HDAC4: variants seen among roughly 807,000 people sequenced by gnomAD.
HDAC4 encodes histone deacetylase 4.
A neutral mutation model predicts 135.1 loss-of-function variants in HDAC4; 16 were observed. The observed-to-expected ratio is 0.12, with a 90% confidence interval of 0.08 to 0.18. The LOEUF is 0.18. Ranked by LOEUF, HDAC4 falls within the 10% of genes least tolerant of loss-of-function variation. The pLI is 1.00. For missense variants in HDAC4, 1,143 were observed against 1,511.8 expected, an observed-to-expected ratio of 0.76 and a Z score of 4.05; for synonymous variants, 685 against 653.4, an observed-to-expected ratio of 1.05 and a Z score of -0.74.
In HDAC4 at chr2:239,135,174, C is replaced by T. The variant is rs548503966; in HGVS notation, c.979-531G>A. Among the ~76,000 whole-genome samples, 53 of 152,288 alleles carry T rather than the reference C, an allele frequency of 3.5e-4. No homozygotes were observed. The South Asian group carries it at 9.7e-3, about 28-fold the overall frequency. On this transcript the variant is annotated intron_variant, in intron 9 of 26. Coordinates refer to ENST00000543185, the MANE Select transcript of HDAC4 (RefSeq NM_001378414.1). ...GATGGACATCCCACACTTCGCATGA[C>T]GTGATTATTACAAATTGCATGCCTG...
intron 2 of HDAC4, among the ~76,000 whole-genome samples, chr2:239,311,162 G>A (rs1296714167): frequency 6.6e-6 from 1 of 152,174 alleles, no homozygotes; most frequent in African/African-American, 2.4e-5. Flanking sequence ...ACCCCGCAGA[G>A]TGAGGTGTTA....
At chr2:239,095,272 C>A (rs1426538632) in intron 16 of HDAC4, among the ~76,000 whole-genome samples, 1 of 144,254 alleles carries the variant, frequency 6.9e-6, no homozygotes, top group Non-Finnish European at 1.5e-5. Flanking sequence ...AGCTGGGTCA[C>A]AGACCCTGGT....
intron 3 of HDAC4, among the ~76,000 whole-genome samples, chr2:239,215,869 C>T (rs1051012874): frequency 1.2e-4 from 18 of 152,138 alleles, no homozygotes; most frequent in South Asian, 8.3e-4. Context: ...AAATAATGAA[C>T]GGTGCAACCT....
chr2:239,172,340 G>A (rs673912), intron 5 of HDAC4, among the ~76,000 whole-genome samples: 113,059 of 147,826 alleles, frequency 0.76, 43,316 homozygotes, highest in South Asian at 0.93. Context: ...ATACACTAAA[G>A]GCAAGACAAG....
intron 2 of HDAC4, among the ~76,000 whole-genome samples, chr2:239,310,962 T>C (rs2052847062): frequency 6.6e-6 from 1 of 152,214 alleles, no homozygotes; most frequent in South Asian, 2.1e-4. Context: ...TGAGCCCTAA[T>C]ACTAAGCAAG....
intron 7 of HDAC4, among the ~76,000 whole-genome samples, chr2:239,151,128 C>G (rs956201331): frequency 6.6e-6 from 1 of 152,344 alleles, no homozygotes; most frequent in Admixed American, 6.5e-5. Flanking sequence ...CACACTCTGT[C>G]CTATTTCACA....
At chr2:239,348,119 G>A (rs568521275) in intron 2 of HDAC4, among the ~76,000 whole-genome samples, 5 of 148,568 alleles carry the variant, frequency 3.4e-5, no homozygotes, top group African/African-American at 7.5e-5. Flanking sequence ...GCATCATCCC[G>A]GTGACCACAG....
intron 2 of HDAC4, among the ~76,000 whole-genome samples, chr2:239,248,891 G>GT (rs1274571985): frequency 6.6e-6 from 1 of 152,196 alleles, no homozygotes; most frequent in Non-Finnish European, 1.5e-5. Context: ...ATTCATTCAA[G>GT]TTTTCCTGAA....
chr2:239,128,588 G>A (rs573576370), intron 11 of HDAC4, among the ~76,000 whole-genome samples: 10 of 152,138 alleles, frequency 6.6e-5, no homozygotes, highest in Admixed American at 2.6e-4. Flanking sequence ...TGTGTATTAC[G>A]TGGGATTGAA....
intron 12 of HDAC4, among the ~76,000 whole-genome samples, chr2:239,124,224 G>C (rs147864171): frequency 6.6e-6 from 1 of 152,232 alleles, no homozygotes; most frequent in Non-Finnish European, 1.5e-5. Flanking sequence ...TTACAGAGCT[G>C]TGCAGTCATC....
intron 11 of HDAC4, among the ~76,000 whole-genome samples, chr2:239,131,794 G>A (rs2040605926): frequency 6.6e-6 from 1 of 152,244 alleles, no homozygotes; most frequent in Non-Finnish European, 1.5e-5. Context: ...TGCACTGGAT[G>A]TGGTGCACAT....
rs1487731674 is a variant in HDAC4, at chr2:239,190,054, G to A, written c.118C>T (p.Leu40=). 1.9e-6 allele frequency: 3 copies of A among 1,602,122 alleles called. No individual in the cohort carries two copies. The highest frequency in any genetic ancestry group is 1.3e-5 in the African/African-American group (1 of 74,804). Residue 40 remains leucine, a synonymous_variant, in exon 4 of 27, where the codon CTG becomes TTG. Transcript: ENST00000543185. Reference sequence around the variant, plus strand: ...GGCACTGCCGAGGGGGCCACTTGCAGAGGCAGCGCCGTGGCCACATCCACT... The same window carrying A: ...GGCACTGCCGAGGGGGCCACTTGCAAAGGCAGCGCCGTGGCCACATCCACT... ...STVDVATALP[L]QVAPSAVPMD...
At chr2:239,213,749 A>C (rs1361769916) in intron 3 of HDAC4, among the ~76,000 whole-genome samples, 1 of 152,256 alleles carries the variant, frequency 6.6e-6, no homozygotes, top group African/African-American at 2.4e-5. Context: ...AGCATGGAAC[A>C]CACACTGCCT....
At chr2:239,275,629 G>A (rs1197471697) in intron 2 of HDAC4, among the ~76,000 whole-genome samples, 1 of 152,172 alleles carries the variant, frequency 6.6e-6, no homozygotes, top group Non-Finnish European at 1.5e-5. Flanking sequence ...GTCTGTGTGT[G>A]TGCGGGTGGC....
intron 3 of HDAC4, among the ~76,000 whole-genome samples, chr2:239,210,990 C>T (rs2153096968): frequency 6.6e-6 from 1 of 152,292 alleles, no homozygotes; most frequent in South Asian, 2.1e-4. Context: ...GTCCTTTACA[C>T]ATGCCATCCT....
rs1436145009 is a variant in HDAC4 at position 239,352,544 on chromosome 2, CA to C, written c.22+133del. On this transcript the variant is annotated intron_variant, in intron 2 of 26. Coordinates refer to ENST00000543185, the MANE Select transcript of HDAC4 (RefSeq NM_001378414.1). The surrounding 1 kb of genome is among the most constrained non-coding windows in gnomAD (Gnocchi z 4.4). ...CCATCCATTTTGCACTTTGTGCTGTCAAAAACCAACAGTGACCACTATCAAG... is the reference window on the plus strand; with the variant it reads ...CCATCCATTTTGCACTTTGTGCTGTCAAAACCAACAGTGACCACTATCAAG... 1 of 847,272 alleles carries C rather than the reference CA, an allele frequency of 1.2e-6. No homozygotes were observed. Among genetic ancestry groups the C allele is most frequent in the Non-Finnish European group, 2.0e-6 (1 of 511,534 alleles). 52.5% of individuals were successfully genotyped at this position (847,272 alleles called of 1,614,324 possible).
chr2:239,097,146 C>T (rs913335433), intron 16 of HDAC4, among the ~76,000 whole-genome samples: 23 of 152,246 alleles, frequency 1.5e-4, no homozygotes, highest in Non-Finnish European at 2.9e-4. Flanking sequence ...CAGCCTGTGT[C>T]GGAGGGAGCC....
intron 2 of HDAC4, among the ~76,000 whole-genome samples, chr2:239,241,659 A>G (rs773960715): frequency 5.9e-5 from 9 of 152,182 alleles, no homozygotes; most frequent in Non-Finnish European, 1.3e-4. Context: ...ATATTTTAAC[A>G]TATTTTTACC....
chr2:239,211,840 G>A (rs543259629), intron 3 of HDAC4, among the ~76,000 whole-genome samples: 2 of 152,150 alleles, frequency 1.3e-5, no homozygotes, highest in East Asian at 1.9e-4. Context: ...AATAAGCCCC[G>A]AAAAAAAGGA....
Sources: gnomAD v4.1 joint callset for allele counts (sites outside exome capture counted in the v4.1 genomes callset) on GRCh38, gnomAD v4.1.1 for gene constraint, Gnocchi (gnomAD v3.1) non-coding constraint, MANE v1.5 for transcripts, NCBI Gene and HGNC (gene_info 2026-07-23, HGNC 2026-07-21) for gene names.